Variants in SLC41A2 observed in about 807,000 individuals in gnomAD.
The protein encoded by SLC41A2 is SLC41A1-like 1.
SLC41A2 carries 32 observed loss-of-function variants against 58.3 expected under a neutral mutation model. That is an observed-to-expected ratio of 0.55 (90% CI 0.41 to 0.74). The LOEUF (loss-of-function observed/expected upper bound fraction) is 0.74. SLC41A2 is among the 30% of genes least tolerant of loss of function. SLC41A2 has a pLI of 0.00. For synonymous variants in SLC41A2, 190 were observed against 235.0 expected, an observed-to-expected ratio of 0.81 and a Z score of 1.75; for missense variants, 514 against 680.6, an observed-to-expected ratio of 0.76 and a Z score of 2.72.
chr12:104,874,875 G>GA (rs1309437759), intron 6 of SLC41A2, among the ~76,000 whole-genome samples: 2 of 152,104 alleles, frequency 1.3e-5, no homozygotes, highest in African/African-American at 4.8e-5. Flanking sequence ...CTATTTCTGT[G>GA]AAGAATGCCA....
chr12:104,944,551 T>C (rs780891196), intron 1 of SLC41A2, among the ~76,000 whole-genome samples: 2 of 152,252 alleles, frequency 1.3e-5, no homozygotes, highest in Non-Finnish European at 2.9e-5. Context: ...CTGAGTTCTT[T>C]ACTCCTGCAA....
intron 3 of SLC41A2, among the ~76,000 whole-genome samples, chr12:104,908,375 G>A (rs182875758): frequency 1.8e-4 from 28 of 152,338 alleles, no homozygotes; most frequent in Admixed American, 1.6e-3. Context: ...GCAGTTGCCT[G>A]GGTGGAAAAG....
intron 9 of SLC41A2, among the ~76,000 whole-genome samples, chr12:104,845,642 C>T (rs1314589320): frequency 6.6e-6 from 1 of 152,146 alleles, no homozygotes; most frequent in African/African-American, 2.4e-5. Flanking sequence ...CAGAAAGAGG[C>T]ATCAAAGAGA....
intron 10 of SLC41A2, among the ~76,000 whole-genome samples, chr12:104,819,994 T>C (rs1195500405): frequency 6.6e-6 from 1 of 152,224 alleles, no homozygotes; most frequent in Non-Finnish European, 1.5e-5. Context: ...GTCTCAGTAA[T>C]ATCAGGCATC....
At position 104,825,322 on chromosome 12, in the gene SLC41A2, G is replaced by A. The variant is rs544188326; in HGVS notation, c.1536+19150C>T. On this transcript the variant is annotated intron_variant, in intron 10 of 10. Transcript: ENST00000258538. ...GCCAAACCCAACAGTCACAAGGGGG[G>A]CAGGAGAAAACCAGTGGTAGCCAGG... Among the ~76,000 whole-genome samples, 6 of 152,302 alleles carry A rather than the reference G, an allele frequency of 3.9e-5. No homozygotes were observed. In the East Asian group the frequency reaches 9.7e-4, roughly 25 times the overall value.
At chr12:104,925,891 C>G (rs981350998) in intron 2 of SLC41A2, among the ~76,000 whole-genome samples, 1 of 152,198 alleles carries the variant, frequency 6.6e-6, no homozygotes, top group African/African-American at 2.4e-5. Context: ...ATTGTCGCAG[C>G]TGTGATACTA....
At chr12:104,904,644 T>TGGCGCGTC (rs2045726908) in intron 3 of SLC41A2, among the ~76,000 whole-genome samples, 1 of 151,920 alleles carries the variant, frequency 6.6e-6, no homozygotes, top group Non-Finnish European at 1.5e-5. Flanking sequence ...CCTTCTGATG[T>TGGCGCGTC]TCAGATGTGT....
intron 8 of SLC41A2, 150 bp downstream of exon 8, chr12:104,861,141 A>T (rs1231960393): frequency 2.0e-6 from 1 of 490,186 alleles, no homozygotes; most frequent in Non-Finnish European, 3.7e-6. Context: ...TGTAATTTTC[A>T]CTGTGAGCAA....
At chr12:104,815,493 T>TCA (rs2041357589) in intron 10 of SLC41A2, among the ~76,000 whole-genome samples, 1 of 152,160 alleles carries the variant, frequency 6.6e-6, no homozygotes, top group African/African-American at 2.4e-5. Context: ...ATGATATTGA[T>TCA]TCCTTCAGCC....
intron 10 of SLC41A2, among the ~76,000 whole-genome samples, chr12:104,835,237 C>T (rs1179473033): frequency 1.3e-5 from 2 of 152,158 alleles, no homozygotes; most frequent in Non-Finnish European, 1.5e-5. Flanking sequence ...ATGGTGGAAG[C>T]CAGAGCCCAA....
At position 104,958,081 on chromosome 12, in the gene SLC41A2, T is replaced by A. The variant is rs1194494111; in HGVS notation, c.-168+7A>T. On this transcript the variant is annotated splice_region_variant and intron_variant, in intron 1 of 10. Coordinates refer to ENST00000258538, the MANE Select transcript of SLC41A2 (RefSeq NM_001352171.3). ...GGCCGAAGCCGAGACTTCCCCTCCA[T>A]GGTCACCTGTTCCGGAGCGCGGCGG... 1 of 152,430 alleles carries A rather than the reference T, an allele frequency of 6.6e-6. No individual in the cohort carries two copies. The highest frequency in any genetic ancestry group is 1.5e-5 in the Non-Finnish European group (1 of 68,586). 9.4% of individuals were successfully genotyped at this position (152,430 alleles called of 1,614,324 possible).
At chr12:104,823,257 A>G (rs77238513) in intron 10 of SLC41A2, among the ~76,000 whole-genome samples, 12,541 of 152,244 alleles carry the variant, frequency 0.082, 657 homozygotes, top group East Asian at 0.15. Flanking sequence ...AAGCATCTAC[A>G]TTACATTTGG....
intron 3 of SLC41A2, among the ~76,000 whole-genome samples, chr12:104,899,707 T>C (rs2045466835): frequency 1.3e-5 from 2 of 152,190 alleles, no homozygotes; most frequent in Non-Finnish European, 2.9e-5. Flanking sequence ...AGTTTCCATA[T>C]GCTCTATCAG....
At chr12:104,858,366 C>T (rs2043091716) in intron 8 of SLC41A2, among the ~76,000 whole-genome samples, 1 of 151,998 alleles carries the variant, frequency 6.6e-6, no homozygotes, top group Non-Finnish European at 1.5e-5. Flanking sequence ...AATCGTGACT[C>T]ACCACTTACA....
intron 3 of SLC41A2, among the ~76,000 whole-genome samples, chr12:104,900,743 T>G (rs1339020610): frequency 6.6e-6 from 1 of 152,240 alleles, no homozygotes; most frequent in Non-Finnish European, 1.5e-5. Flanking sequence ...TGGAGAATTA[T>G]GCCAAATTTA....
intron 7 of SLC41A2, among the ~76,000 whole-genome samples, chr12:104,865,746 T>C (rs1420342537): frequency 6.6e-6 from 1 of 152,170 alleles, no homozygotes; most frequent in South Asian, 2.1e-4. Context: ...TAATAGGAAA[T>C]TCATACTCTT....
intron 3 of SLC41A2, among the ~76,000 whole-genome samples, chr12:104,907,840 T>C (rs1343379246): frequency 1.3e-5 from 2 of 152,208 alleles, no homozygotes; most frequent in African/African-American, 4.8e-5. Context: ...GGACCTGGCA[T>C]ATAATAAGAG....
chr12:104,934,419 A>G (rs1159648482), intron 1 of SLC41A2, among the ~76,000 whole-genome samples: 2 of 152,216 alleles, frequency 1.3e-5, no homozygotes, highest in Non-Finnish European at 2.9e-5. Context: ...CTCTTTGTAA[A>G]CTATAAAGCA....
chr12:104,940,551 C>T (rs1375329067), intron 1 of SLC41A2, among the ~76,000 whole-genome samples: 1 of 149,772 alleles, frequency 6.7e-6, no homozygotes, highest in African/African-American at 2.4e-5. Flanking sequence ...AAAAGGCTCA[C>T]CTCTAAAATG....
Sources: gnomAD v4.1 joint callset for allele counts (sites outside exome capture counted in the v4.1 genomes callset) on GRCh38, gnomAD v4.1.1 for gene constraint, MANE v1.5 for transcripts, NCBI Gene and HGNC (gene_info 2026-07-23, HGNC 2026-07-21) for gene names.